SIMC1: variants seen among roughly 807,000 people sequenced by gnomAD.
The protein encoded by SIMC1 is SUMO-interacting motif-containing protein 1.
Under a neutral mutation model 82.3 loss-of-function variants are expected in SIMC1, and 55 were observed. The ratio of observed to expected loss-of-function variants is 0.67; its 90% CI spans 0.54 to 0.84. SIMC1 has a LOEUF of 0.84. SIMC1 is among the 40% of genes least tolerant of loss of function. SIMC1 has a pLI of 0.00. For synonymous variants in SIMC1, 353 were observed against 426.3 expected (o/e 0.83, Z 2.12); for missense variants, 915 against 1,107.2 (o/e 0.83, Z 2.46).
chr5:176,264,871 T>A (rs1157558749), intron 1 of SIMC1, among the ~76,000 whole-genome samples: 1 of 152,132 alleles, frequency 6.6e-6, no homozygotes, highest in Admixed American at 6.5e-5. Context: ...GTGCAATTAG[T>A]TAAGAAAAGG....
intron 1 of SIMC1, among the ~76,000 whole-genome samples, chr5:176,276,301 T>G (rs574224879): frequency 1.3e-5 from 2 of 151,510 alleles, no homozygotes; most frequent in Admixed American, 6.6e-5. Context: ...TTGTATTTCT[T>G]TGGGATCGGT....
At chr5:176,304,938 C>A (rs1764232236) in intron 4 of SIMC1, among the ~76,000 whole-genome samples, 1 of 111,290 alleles carries the variant, frequency 9.0e-6, no homozygotes, top group Admixed American at 9.0e-5. Flanking sequence ...AGTGAGGAGA[C>A]CCTCTGCCTG....
Position 176,306,674 on chromosome 5 carries a change from C to T in SIMC1, c.1735-7017C>T, listed in dbSNP as rs555454714. Among the ~76,000 whole-genome samples, 735 of 151,536 alleles carry T rather than the reference C, an allele frequency of 4.9e-3. 6 individuals carry two copies. The highest frequency in any genetic ancestry group is 7.1e-3 in the Non-Finnish European group (481 of 67,866). ...CACTCAGGGTTAAAAGGATTAAGGG[C>T]GGTGCAAGATGTGCTTTGTTAAACA... On this transcript the variant is annotated intron_variant, in intron 4 of 9. Coordinates refer to ENST00000429602, the MANE Select transcript of SIMC1 (RefSeq NM_001308195.2).
At chr5:176,341,158 A>G (rs1335948106) in intron 9 of SIMC1, among the ~76,000 whole-genome samples, 1 of 152,194 alleles carries the variant, frequency 6.6e-6, no homozygotes, top group Non-Finnish European at 1.5e-5. Context: ...AAAAGAAATA[A>G]ATAAAAGACA....
At chr5:176,333,784 G>A (rs1450920023) in intron 7 of SIMC1, among the ~76,000 whole-genome samples, 3 of 152,066 alleles carry the variant, frequency 2.0e-5, no homozygotes, top group South Asian at 4.2e-4. Context: ...TATCTTCTGG[G>A]AATCTAAGTG....
At chr5:176,269,495 T>C (rs1762337544) in intron 1 of SIMC1, among the ~76,000 whole-genome samples, 1 of 152,242 alleles carries the variant, frequency 6.6e-6, no homozygotes, top group Non-Finnish European at 1.5e-5. Flanking sequence ...AATAGCCCTA[T>C]GTCTACTAAA....
intron 5 of SIMC1, among the ~76,000 whole-genome samples, chr5:176,314,132 T>C (rs559742029): frequency 8.1e-4 from 124 of 152,232 alleles, no homozygotes; most frequent in East Asian, 3.3e-3. Context: ...CAGGGCGTGG[T>C]GGCGTATGCC....
At chr5:176,289,548 T>G in intron 1 of SIMC1, 106 bp from the exon 2 acceptor site, 2 of 863,522 alleles carry the variant, frequency 2.3e-6, no homozygotes, top group Non-Finnish European at 3.5e-6. Context: ...ATCAGTGAGG[T>G]GAAATGGTAA....
chr5:176,344,881 G>A (rs918069151), intron 9 of SIMC1, among the ~76,000 whole-genome samples: 1 of 152,136 alleles, frequency 6.6e-6, no homozygotes, highest in Non-Finnish European at 1.5e-5. Context: ...TGGACTAGAT[G>A]AATATGTCTA....
At chr5:176,262,603 G>A (rs1762055210) in intron 1 of SIMC1, among the ~76,000 whole-genome samples, 2 of 152,190 alleles carry the variant, frequency 1.3e-5, no homozygotes, top group Admixed American at 1.3e-4. Context: ...CCAGGAGTTC[G>A]AGACCAGCCT....
intron 5 of SIMC1, among the ~76,000 whole-genome samples, chr5:176,315,293 T>C (rs1764846341): frequency 6.6e-6 from 1 of 152,166 alleles, no homozygotes; most frequent in African/African-American, 2.4e-5. Flanking sequence ...TGCCAACCTC[T>C]GTCAAACAGT....
chr5:176,271,854 ATATATAT>A lies in SIMC1; in HGVS notation c.130-17792_130-17786del, dbSNP rs1326507159. On this transcript the variant is annotated intron_variant, in intron 1 of 9. Coordinates refer to ENST00000429602, the MANE Select transcript of SIMC1 (RefSeq NM_001308195.2). Reference sequence around the variant, plus strand: ...TCAAAATATCTCATGTACCCCATAGATATATATTATATATAATATATAATTATTATAT... The same window carrying A: ...TCAAAATATCTCATGTACCCCATAGATATATATAATATATAATTATTATAT... Among the ~76,000 whole-genome samples, 45 of 145,790 alleles carry A rather than the reference ATATATAT, an allele frequency of 3.1e-4. 2 individuals are homozygous for A. Among genetic ancestry groups the A allele is most frequent in the South Asian group, 6.3e-4 (3 of 4,748 alleles).
At chr5:176,275,943 T>C (rs1395130782) in intron 1 of SIMC1, among the ~76,000 whole-genome samples, 1 of 151,724 alleles carries the variant, frequency 6.6e-6, no homozygotes, top group Admixed American at 6.6e-5. Context: ...CTTTTTTGGT[T>C]GTGTCTCTGC....
intron 7 of SIMC1, among the ~76,000 whole-genome samples, chr5:176,335,094 C>A (rs1427252910): frequency 6.7e-6 from 1 of 149,236 alleles, no homozygotes; most frequent in Non-Finnish European, 1.5e-5. Context: ...GAAACTCTGT[C>A]TCAAAAAAAA....
intron 1 of SIMC1, among the ~76,000 whole-genome samples, chr5:176,266,484 A>G (rs1056815853): frequency 1.3e-5 from 2 of 151,914 alleles, no homozygotes; most frequent in African/African-American, 4.8e-5. Context: ...AAGAACAAAG[A>G]TATCAGTACC....
chr5:176,327,174 G>T (rs1004598000), intron 7 of SIMC1, among the ~76,000 whole-genome samples: 5 of 152,224 alleles, frequency 3.3e-5, no homozygotes, highest in African/African-American at 9.6e-5. Context: ...AAAAAATTAG[G>T]AATTAAAACA....
At chr5:176,248,490 G>A (rs1010561435) in intron 1 of SIMC1, among the ~76,000 whole-genome samples, 35 of 152,112 alleles carry the variant, frequency 2.3e-4, no homozygotes, top group Admixed American at 1.4e-3. Flanking sequence ...TTGCTTATCA[G>A]CTTAAGGAGA....
At chr5:176,253,335 A>C (rs1179895107) in intron 1 of SIMC1, among the ~76,000 whole-genome samples, 2 of 151,932 alleles carry the variant, frequency 1.3e-5, no homozygotes, top group African/African-American at 2.4e-5. Context: ...GAATATGACG[A>C]TTATGCGTCT....
intron 1 of SIMC1, among the ~76,000 whole-genome samples, chr5:176,243,558 G>A (rs4295407): frequency 6.6e-5 from 10 of 151,444 alleles, no homozygotes; most frequent in Non-Finnish European, 8.8e-5. Flanking sequence ...GCTCTGTTGC[G>A]TTGCCCAGGC....
Sources: allele counts gnomAD v4.1 joint callset (sites outside exome capture counted in the v4.1 genomes callset), GRCh38; gene constraint gnomAD v4.1.1; transcripts MANE v1.5; gene names NCBI Gene and HGNC (gene_info 2026-07-23, HGNC 2026-07-21).